The following SLC10A7 variants were observed in gnomAD, a reference collection of about 807,000 sequenced individuals.
SLC10A7 encodes sodium/bile acid cotransporter 7.
SLC10A7 carries 29 observed loss-of-function variants against 43.2 expected under a neutral mutation model. The ratio of observed to expected loss-of-function variants is 0.67; its 90% CI spans 0.50 to 0.92. The LOEUF (loss-of-function observed/expected upper bound fraction) is 0.92, where lower values mean the gene tolerates loss of function less well. Ranked by LOEUF, SLC10A7 falls within the 40% of genes least tolerant of loss-of-function variation. SLC10A7 has a pLI of 0.00. For synonymous variants in SLC10A7, 152 were observed against 144.8 expected, an observed-to-expected ratio of 1.05 and a Z score of -0.35; for missense variants, 295 against 403.2, an observed-to-expected ratio of 0.73 and a Z score of 2.30.
chr4:146,445,941 G>C (rs1393331575), intron 4 of SLC10A7, among the ~76,000 whole-genome samples: 1 of 151,898 alleles, frequency 6.6e-6, no homozygotes, highest in South Asian at 2.1e-4. Context: ...GTGCACGGGA[G>C]TCCCCTGAGT....
At chr4:146,504,518 CAAAAAAAAAAA>C (rs5862761) in intron 3 of SLC10A7, among the ~76,000 whole-genome samples, 3 of 88,574 alleles carry the variant, frequency 3.4e-5, no homozygotes, top group African/African-American at 8.7e-5. Flanking sequence ...GACTCCGTCT[CAAAAAAAAAAA>C]AAAAAAAAAG....
chr4:146,261,365 C>T (rs954915928), intron 10 of SLC10A7, among the ~76,000 whole-genome samples: 6 of 152,250 alleles, frequency 3.9e-5, no homozygotes, highest in Admixed American at 2.0e-4. Context: ...TGAGAACCTG[C>T]TCTGCTGCCT....
At chr4:146,384,394 C>T (rs1250144533) in intron 5 of SLC10A7, among the ~76,000 whole-genome samples, 1 of 151,936 alleles carries the variant, frequency 6.6e-6, no homozygotes, top group Non-Finnish European at 1.5e-5. Flanking sequence ...ATGTAACAGA[C>T]ATAGGTTATT....
intron 5 of SLC10A7, among the ~76,000 whole-genome samples, chr4:146,377,566 C>T (rs1281860250): frequency 3.9e-5 from 6 of 152,284 alleles, no homozygotes; most frequent in Middle Eastern, 3.4e-3. Context: ...GGAAATTCTC[C>T]CATCTCATTA....
At chr4:146,317,279 CA>C (rs1732392289) in intron 6 of SLC10A7, among the ~76,000 whole-genome samples, 1 of 152,064 alleles carries the variant, frequency 6.6e-6, no homozygotes, top group African/African-American at 2.4e-5. Context: ...TCATTCAAAA[CA>C]TTCAAAAACA....
At chr4:146,481,626 G>C (rs1734484759) in intron 4 of SLC10A7, among the ~76,000 whole-genome samples, 1 of 152,162 alleles carries the variant, frequency 6.6e-6, no homozygotes, top group Non-Finnish European at 1.5e-5. Flanking sequence ...GCCCCCCAGG[G>C]GCAGTACCAT....
chr4:146,278,985 G>A (rs1005227601), intron 10 of SLC10A7, among the ~76,000 whole-genome samples: 1 of 152,162 alleles, frequency 6.6e-6, no homozygotes, highest in Non-Finnish European at 1.5e-5. Context: ...AACAATGTAA[G>A]AAATAGTTTC....
chr4:146,290,718 G>C (rs187508749), intron 9 of SLC10A7, among the ~76,000 whole-genome samples: 118 of 152,226 alleles, frequency 7.8e-4, no homozygotes, highest in African/African-American at 2.8e-3. Context: ...AGTTAGCCGG[G>C]CATGGTGGTG....
In SLC10A7 at chr4:146,256,500, C is replaced by G; in HGVS notation, c.1014G>C (p.Pro338=). The part of the protein sequence containing the change: ...SRQKGVKLTR[P]TV ...AAGTCCACCTCCTTTGTTATACTGTCGGCCTTGTCAGCTTCACTCCCTACA... is the reference window on the plus strand; with the variant it reads ...AAGTCCACCTCCTTTGTTATACTGTGGGCCTTGTCAGCTTCACTCCCTACA... Residue 338 remains proline (P), a synonymous_variant, in exon 12 of 12, where the codon CCG becomes CCC. Coordinates refer to ENST00000335472, the MANE Select transcript of SLC10A7 (RefSeq NM_001029998.6). 1 of 1,614,002 alleles carries G rather than the reference C, an allele frequency of 6.2e-7. No homozygotes were observed. Among genetic ancestry groups the G allele is most frequent in the Non-Finnish European group, 8.5e-7 (1 of 1,179,930 alleles).
intron 5 of SLC10A7, among the ~76,000 whole-genome samples, chr4:146,387,171 G>C (rs1000357781): frequency 6.6e-6 from 1 of 152,098 alleles, no homozygotes; most frequent in Non-Finnish European, 1.5e-5. Context: ...GTCCTTATAA[G>C]AAGAGGCCAG....
At chr4:146,269,552 G>A (rs1427220518) in intron 10 of SLC10A7, among the ~76,000 whole-genome samples, 1 of 152,178 alleles carries the variant, frequency 6.6e-6, no homozygotes, top group Non-Finnish European at 1.5e-5. Flanking sequence ...ATCAAAAATA[G>A]AATGAGAATT....
chr4:146,475,993 T>A (rs1358864475), intron 4 of SLC10A7, among the ~76,000 whole-genome samples: 1 of 152,152 alleles, frequency 6.6e-6, no homozygotes, highest in Non-Finnish European at 1.5e-5. Flanking sequence ...TAGAAAGAGA[T>A]CTGAATTGCC....
chr4:146,304,964 T>A (rs1731445995), intron 7 of SLC10A7, among the ~76,000 whole-genome samples: 1 of 152,170 alleles, frequency 6.6e-6, no homozygotes, highest in Admixed American at 6.5e-5. Context: ...TTTAGGATAG[T>A]TAGCTCTTGG....
intron 6 of SLC10A7, among the ~76,000 whole-genome samples, chr4:146,319,703 G>T (rs1417675566): frequency 6.6e-6 from 1 of 152,030 alleles, no homozygotes; most frequent in East Asian, 1.9e-4. Flanking sequence ...GCTACAAAAA[G>T]GGAGCACAGA....
At chr4:146,323,606 T>C (rs1014149081) in intron 6 of SLC10A7, among the ~76,000 whole-genome samples, 5 of 152,214 alleles carry the variant, frequency 3.3e-5, no homozygotes, top group Admixed American at 3.3e-4. Flanking sequence ...ACCAGTACCA[T>C]GCTGTTTTGG....
At chr4:146,384,622 C>A (rs1737860198) in intron 5 of SLC10A7, among the ~76,000 whole-genome samples, 1 of 151,962 alleles carries the variant, frequency 6.6e-6, no homozygotes, top group Non-Finnish European at 1.5e-5. Flanking sequence ...GGGATTTGGA[C>A]AATATTAGAA....
At position 146,426,661 on chromosome 4, in the gene SLC10A7, G is replaced by A. The variant is rs185628631; in HGVS notation, c.435+16122C>T. Among the ~76,000 whole-genome samples, 51 of 152,296 alleles carry A rather than the reference G, an allele frequency of 3.3e-4. 1 individual carries two copies. The highest frequency in any genetic ancestry group is 2.9e-3 in the Admixed American group (44 of 15,300). On this transcript the variant is annotated intron_variant, in intron 5 of 11. Coordinates refer to ENST00000335472, the MANE Select transcript of SLC10A7 (RefSeq NM_001029998.6). ...GAGGCTGAGGTGGGCAGATCACGAG[G>A]TCAGGAGATGGAGACCATACTGGCT...
chr4:146,288,987 A>G (rs1730222730), intron 9 of SLC10A7, among the ~76,000 whole-genome samples: 1 of 152,192 alleles, frequency 6.6e-6, no homozygotes, highest in Non-Finnish European at 1.5e-5. Context: ...AGGTTTTACT[A>G]GTAGAATCAC....
chr4:146,428,959 C>T (rs1262186779), intron 5 of SLC10A7, among the ~76,000 whole-genome samples: 1 of 152,012 alleles, frequency 6.6e-6, no homozygotes, highest in Non-Finnish European at 1.5e-5. Context: ...ATGAAAATAG[C>T]ATATGGGTTT....
Sources: allele counts gnomAD v4.1 joint callset (sites outside exome capture counted in the v4.1 genomes callset), GRCh38; gene constraint gnomAD v4.1.1; transcripts MANE v1.5; gene names NCBI Gene and HGNC (gene_info 2026-07-23, HGNC 2026-07-21).